NRXN1: variants seen among roughly 807,000 people sequenced by gnomAD.
The protein encoded by NRXN1 is neurexin 1, also known as neurexin-1.
In NRXN1, 39 loss-of-function variants were observed where a neutral mutation model predicts 150.9. That is an observed-to-expected ratio of 0.26 (90% CI 0.20 to 0.34). The LOEUF (loss-of-function observed/expected upper bound fraction) is 0.34, where lower values mean the gene tolerates loss of function less well. NRXN1 is among the 10% of genes least tolerant of loss of function. The pLI, the probability that NRXN1 is intolerant of heterozygous loss-of-function variation, is 1.00. For missense variants in NRXN1, 1,815 were observed against 1,949.9 expected (o/e 0.93, Z 1.30); for synonymous variants, 924 against 757.0 (o/e 1.22, Z -3.62).
intron 18 of NRXN1, among the ~76,000 whole-genome samples, chr2:50,203,877 G>C (rs1229562900): frequency 6.6e-5 from 10 of 152,094 alleles, no homozygotes; most frequent in Non-Finnish European, 1.3e-4. Context: ...ATCTTAAGCA[G>C]TGACTGGGTG....
chr2:50,721,533 T>C (rs1696654980), intron 5 of NRXN1, among the ~76,000 whole-genome samples: 1 of 152,146 alleles, frequency 6.6e-6, no homozygotes, highest in Admixed American at 6.5e-5. Flanking sequence ...ATATAATGTG[T>C]TCTCCTTTGT....
chr2:50,506,635 C>G lies in NRXN1; in HGVS notation c.2375-18G>C. On this transcript the variant is annotated intron_variant, in intron 12 of 22. Coordinates refer to ENST00000401669, the MANE Select transcript of NRXN1 (RefSeq NM_001330078.2). ...ACCTTTGCCTGTAGAATATGCCAAA[C>G]AGTCATTATGGACACTCAGAATCAG... The G allele has an allele frequency of 1.2e-6, 2 of 1,611,716 alleles. No homozygotes were observed. Among genetic ancestry groups the G allele is most frequent in the South Asian group, 1.1e-5 (1 of 90,842 alleles).
intron 5 of NRXN1, among the ~76,000 whole-genome samples, chr2:50,784,733 AG>A (rs1704841597): frequency 6.6e-6 from 1 of 152,202 alleles, no homozygotes; most frequent in Non-Finnish European, 1.5e-5. Context: ...TTAAGATCCT[AG>A]GCAGGGAACA....
intron 2 of NRXN1, among the ~76,000 whole-genome samples, chr2:50,976,879 C>A (rs566304229): frequency 2.0e-5 from 3 of 152,002 alleles, no homozygotes; most frequent in South Asian, 2.1e-4. Context: ...TAAGATATAG[C>A]CAAAAGAATT....
intron 19 of NRXN1, among the ~76,000 whole-genome samples, chr2:50,063,683 T>C (rs1335602694): frequency 1.3e-5 from 2 of 152,094 alleles, no homozygotes; most frequent in Non-Finnish European, 2.9e-5. Context: ...ACCAAATTAT[T>C]CTACTTAATG....
At chr2:50,127,368 T>C (rs1160934026) in intron 18 of NRXN1, among the ~76,000 whole-genome samples, 1 of 152,156 alleles carries the variant, frequency 6.6e-6, no homozygotes, top group African/African-American at 2.4e-5. Context: ...TAATCTAAAA[T>C]TTTTAAAAAC....
intron 5 of NRXN1, among the ~76,000 whole-genome samples, chr2:50,772,035 A>G (rs1703070095): frequency 1.3e-5 from 2 of 152,104 alleles, no homozygotes; most frequent in Admixed American, 1.3e-4. Flanking sequence ...TATCTAGTAC[A>G]GACATGGGCA....
chr2:50,470,700 CTG>C (rs1387317722), intron 16 of NRXN1, among the ~76,000 whole-genome samples: 1 of 151,732 alleles, frequency 6.6e-6, no homozygotes, highest in Admixed American at 6.6e-5. Context: ...ATGGCCCAAA[CTG>C]TGTTCAGTAT....
At chr2:50,803,930 T>C (rs145250955) in intron 5 of NRXN1, among the ~76,000 whole-genome samples, 235 of 152,318 alleles carry the variant, frequency 1.5e-3, no homozygotes, top group African/African-American at 5.4e-3. Flanking sequence ...CATATGAATA[T>C]ACCTGTATCA....
chr2:50,576,595 A>C (rs1039456498), intron 8 of NRXN1, among the ~76,000 whole-genome samples: 4 of 152,066 alleles, frequency 2.6e-5, no homozygotes, highest in Non-Finnish European at 5.9e-5. Context: ...CCTCTCTTTC[A>C]TTAATTACCA....
At chr2:50,277,570 CTT>C (rs1290774076) in intron 17 of NRXN1, among the ~76,000 whole-genome samples, 4 of 139,846 alleles carry the variant, frequency 2.9e-5, no homozygotes, top group African/African-American at 1.1e-4. Flanking sequence ...TTCTTTCTTT[CTT>C]AGCCAGGAGA....
At chr2:50,200,709 T>A (rs186049816) in intron 18 of NRXN1, among the ~76,000 whole-genome samples, 1 of 152,262 alleles carries the variant, frequency 6.6e-6, no homozygotes, top group East Asian at 1.9e-4. Flanking sequence ...AAGAAGTAAA[T>A]ATAACCCAGA....
intron 5 of NRXN1, among the ~76,000 whole-genome samples, chr2:50,665,198 T>A (rs1687848658): frequency 6.6e-6 from 1 of 151,922 alleles, no homozygotes; most frequent in South Asian, 2.1e-4. Context: ...TGTACTAGAT[T>A]TAATAGATCT....
At chr2:50,968,777 T>G (rs1408034151) in intron 2 of NRXN1, among the ~76,000 whole-genome samples, 1 of 152,112 alleles carries the variant, frequency 6.6e-6, no homozygotes, top group Non-Finnish European at 1.5e-5. Flanking sequence ...CACATAATAG[T>G]TGAGTTTTGT....
chr2:50,762,226 T>G (rs1701882883), intron 5 of NRXN1, among the ~76,000 whole-genome samples: 1 of 151,796 alleles, frequency 6.6e-6, no homozygotes, highest in Non-Finnish European at 1.5e-5. Context: ...TACACAGCCT[T>G]GAACTTCTGG....
chr2:50,041,409 T>C (rs1451085822), intron 21 of NRXN1, among the ~76,000 whole-genome samples: 10 of 152,210 alleles, frequency 6.6e-5, no homozygotes, highest in Admixed American at 6.5e-4. Flanking sequence ...ATCAACCTTA[T>C]GCACAGCTTG....
At chr2:50,156,951 T>C (rs546173997) in intron 18 of NRXN1, among the ~76,000 whole-genome samples, 33 of 152,154 alleles carry the variant, frequency 2.2e-4, no homozygotes, top group African/African-American at 7.7e-4. Flanking sequence ...ACAACTAATA[T>C]TTTCATTGAA....
At chr2:50,377,890 T>C (rs761194974) in intron 17 of NRXN1, among the ~76,000 whole-genome samples, 4 of 152,144 alleles carry the variant, frequency 2.6e-5, no homozygotes, top group African/African-American at 4.8e-5. Context: ...AGGAGGGGAA[T>C]TGCAGTTCTA....
chr2:50,134,030 C>T (rs192030453), intron 18 of NRXN1, among the ~76,000 whole-genome samples: 2 of 152,186 alleles, frequency 1.3e-5, no homozygotes, highest in East Asian at 3.9e-4. Context: ...ACTAAACATG[C>T]CATCTGATTG....
Sources: gnomAD v4.1 joint callset for allele counts (sites outside exome capture counted in the v4.1 genomes callset) on GRCh38, gnomAD v4.1.1 for gene constraint, MANE v1.5 for transcripts, NCBI Gene and HGNC (gene_info 2026-07-23, HGNC 2026-07-21) for gene names.